Variants in ATP6V1H observed in about 807,000 individuals in gnomAD.
ATP6V1H encodes the protein V-type proton ATPase subunit H.
In ATP6V1H, 39 loss-of-function variants were observed where a neutral mutation model predicts 71.7. That is an observed-to-expected ratio of 0.54 (90% CI 0.42 to 0.71). The LOEUF is 0.71. ATP6V1H is among the 30% of genes least tolerant of loss of function. ATP6V1H has a pLI of 0.00. For synonymous variants in ATP6V1H, 192 were observed against 199.3 expected, an observed-to-expected ratio of 0.96 and a Z score of 0.31; for missense variants, 509 against 594.9, an observed-to-expected ratio of 0.86 and a Z score of 1.50.
At chr8:53,764,972 G>A (rs1808400037) in intron 11 of ATP6V1H, among the ~76,000 whole-genome samples, 2 of 152,158 alleles carry the variant, frequency 1.3e-5, no homozygotes, top group Admixed American at 6.5e-5. Flanking sequence ...GGGCATGGTG[G>A]TATGTGCCTG....
chr8:53,756,550 C>G lies in ATP6V1H; in HGVS notation c.1277+5G>C. ...AACCAAATGAAATGAATGGCTTTCT[C>G]TTACCGTTTGCCTCGTGGATAATGC... On this transcript the variant is annotated splice_donor_5th_base_variant and intron_variant, in intron 12 of 13. Transcript: ENST00000359530. 2 of 1,611,054 alleles carry G rather than the reference C, an allele frequency of 1.2e-6. No homozygotes were observed. Among genetic ancestry groups the G allele is most frequent in the Non-Finnish European group, 1.7e-6 (2 of 1,177,718 alleles).
intron 6 of ATP6V1H, 76 bp downstream of exon 6, chr8:53,814,586 A>G (rs1810387200): frequency 6.2e-6 from 5 of 804,090 alleles, no homozygotes; most frequent in South Asian, 1.8e-5. Context: ...GTAATTTAAC[A>G]TATTTACTAT....
At chr8:53,745,933 T>C (rs1236572367) in intron 12 of ATP6V1H, among the ~76,000 whole-genome samples, 1 of 152,130 alleles carries the variant, frequency 6.6e-6, no homozygotes, top group Non-Finnish European at 1.5e-5. Flanking sequence ...CTGTTGAAAA[T>C]AAACTTTTTA....
At chr8:53,793,464 T>G (rs185754218) in intron 9 of ATP6V1H, among the ~76,000 whole-genome samples, 1 of 151,902 alleles carries the variant, frequency 6.6e-6, no homozygotes, top group South Asian at 2.1e-4. Context: ...CAAAACAAGA[T>G]CCTGTCTCTA....
chr8:53,772,120 G>A lies in ATP6V1H; in HGVS notation c.918C>T (p.Ala306=), dbSNP rs780355556. 6.2e-7 allele frequency: 1 copy of A among 1,613,606 alleles called. No individual in the cohort carries two copies. The highest frequency in any genetic ancestry group is 8.5e-7 in the Non-Finnish European group (1 of 1,179,860). ...STERETRQEY[A]LAMIQCKVLK... ...GAACTTTGCACTGAATCATAGCCAG[G>A]GCATATTCTTGGCGAGTTTCTCTTT... The change falls in exon 10 of 14, where the codon GCC becomes GCT. Residue 306 remains alanine, a synonymous_variant. Transcript: ENST00000359530.
At chr8:53,740,483 T>C (rs559411816) in intron 13 of ATP6V1H, among the ~76,000 whole-genome samples, 41 of 152,346 alleles carry the variant, frequency 2.7e-4, no homozygotes, top group African/African-American at 7.5e-4. Flanking sequence ...ATTTTAATTA[T>C]GTTAAAATAA....
At chr8:53,836,044 A>G (rs1378957429) in intron 2 of ATP6V1H, among the ~76,000 whole-genome samples, 2 of 152,084 alleles carry the variant, frequency 1.3e-5, no homozygotes, top group South Asian at 2.1e-4. Flanking sequence ...AAAAACAGAC[A>G]CTTTGCCCAC....
At position 53,795,805 on chromosome 8, in the gene ATP6V1H, G is replaced by A. The variant is rs1403923602; in HGVS notation, c.712C>T (p.Gln238Ter). 1.2e-6 allele frequency: 2 copies of A among 1,612,972 alleles called. No individual in the cohort carries two copies. The highest frequency in any genetic ancestry group is 1.7e-6 in the Non-Finnish European group (2 of 1,179,664). Residue 238 changes from glutamine (Q) to a stop codon, truncating the protein, a stop_gained, in exon 9 of 14, where the codon CAG becomes TAG. Coordinates refer to ENST00000359530, the MANE Select transcript of ATP6V1H (RefSeq NM_015941.4). LOFTEE classifies it high-confidence loss of function. Reference protein sequence around the residue: ...MGVLSNKCGFQLQYQMIFSIW... With the variant: ...MGVLSNKCGF ...GAAAAAATCATTTGATACTGGAGCTGAAAGCCACACTTGTTACTCAACACT... is the reference window on the plus strand; with the variant it reads ...GAAAAAATCATTTGATACTGGAGCTAAAAGCCACACTTGTTACTCAACACT...
At chr8:53,755,710 AT>A (rs1194465856) in intron 12 of ATP6V1H, among the ~76,000 whole-genome samples, 467 of 10,420 alleles carry the variant, frequency 0.045, 78 homozygotes, top group East Asian at 0.082. Flanking sequence ...ATATATATAT[AT>A]ATATATATAT....
At chr8:53,821,372 CAA>C (rs576615850) in intron 4 of ATP6V1H, among the ~76,000 whole-genome samples, 33 of 97,994 alleles carry the variant, frequency 3.4e-4, no homozygotes, top group Admixed American at 5.9e-4. Flanking sequence ...GACTCCATCT[CAA>C]AAAAAAAAAA....
At chr8:53,836,104 C>A (rs1317820825) in intron 2 of ATP6V1H, among the ~76,000 whole-genome samples, 1 of 152,214 alleles carries the variant, frequency 6.6e-6, no homozygotes, top group Non-Finnish European at 1.5e-5. Context: ...AAAATGCACT[C>A]TGCACCCTGG....
chr8:53,745,815 C>T (rs1400876283), intron 12 of ATP6V1H, among the ~76,000 whole-genome samples: 3 of 152,214 alleles, frequency 2.0e-5, no homozygotes, highest in African/African-American at 7.2e-5. Context: ...TGGCAGAACG[C>T]TGCCTTGTTC....
intron 12 of ATP6V1H, among the ~76,000 whole-genome samples, chr8:53,750,351 A>G (rs1807748434): frequency 6.6e-6 from 1 of 152,250 alleles, no homozygotes; most frequent in Admixed American, 6.5e-5. Context: ...AAACATGCAC[A>G]CTGAGAAAAA....
intron 11 of ATP6V1H, among the ~76,000 whole-genome samples, chr8:53,763,146 T>C (rs1217003822): frequency 6.6e-6 from 1 of 152,210 alleles, no homozygotes; most frequent in East Asian, 1.9e-4. Flanking sequence ...CTAAAAGTTA[T>C]ACACGGCTTT....
At chr8:53,772,471 C>G (rs1459164343) in intron 9 of ATP6V1H, among the ~76,000 whole-genome samples, 1 of 152,116 alleles carries the variant, frequency 6.6e-6, no homozygotes, top group Non-Finnish European at 1.5e-5. Flanking sequence ...TTTTCATGGA[C>G]TTGCTCTGGC....
In ATP6V1H at chr8:53,841,592, C is replaced by A. The variant is rs1458965659; in HGVS notation, c.99G>T (p.Trp33Cys). The change falls in exon 2 of 14, where the codon TGG becomes TGT. Residue 33 changes from tryptophan to cysteine, a missense_variant. Trp to Cys is a radical substitution (Grantham distance 215, BLOSUM62 -2). This residue lies in a region of ATP6V1H where 297 missense variants were observed against 303.3 expected (regional missense o/e 0.98). Coordinates refer to ENST00000359530, the MANE Select transcript of ATP6V1H (RefSeq NM_015941.4). ...AAEVRANKVN[W>C]QSYLQGQMIS... is the part of the protein sequence containing the mutation. ...TTGGTACTTACTGAAGATAGGATTG[C>A]CAGTTGACTTTGTTTGCACGAACTT... 1 of 1,613,892 alleles carries A rather than the reference C, an allele frequency of 6.2e-7. No homozygotes were observed. Among genetic ancestry groups the A allele is most frequent in the African/African-American group, 1.3e-5 (1 of 74,922 alleles).
chr8:53,762,721 C>T (rs528605933), intron 11 of ATP6V1H, among the ~76,000 whole-genome samples: 2 of 152,236 alleles, frequency 1.3e-5, no homozygotes, highest in South Asian at 4.1e-4. Context: ...AAATAAAAGG[C>T]ACTCAGATTG....
At chr8:53,728,157 T>C (rs1347107755) in intron 13 of ATP6V1H, among the ~76,000 whole-genome samples, 1 of 152,166 alleles carries the variant, frequency 6.6e-6, no homozygotes. Context: ...AGTCCTCTAA[T>C]TGCTTCCATT....
chr8:53,775,225 C>T (rs549146151), intron 9 of ATP6V1H, among the ~76,000 whole-genome samples: 3 of 152,204 alleles, frequency 2.0e-5, no homozygotes, highest in African/African-American at 4.8e-5. Context: ...TTCATGGTCT[C>T]GCTGGCTCAG....
Sources: allele counts gnomAD v4.1 joint callset (sites outside exome capture counted in the v4.1 genomes callset), GRCh38; gene constraint gnomAD v4.1.1; regional missense constraint gnomAD v4.1.1; transcripts MANE v1.5; gene names NCBI Gene and HGNC (gene_info 2026-07-23, HGNC 2026-07-21).